GFRA1: variants seen among roughly 807,000 people sequenced by gnomAD.
GFRA1 encodes GDNF family receptor alpha-1.
GFRA1 carries 16 observed loss-of-function variants against 51.6 expected under a neutral mutation model. That is an observed-to-expected ratio of 0.31 (90% CI 0.21 to 0.47). GFRA1 has a LOEUF of 0.47. GFRA1 is among the 20% of genes least tolerant of loss of function. The pLI is 1.00. For synonymous variants in GFRA1, 270 were observed against 241.3 expected (o/e 1.12, Z -1.10); for missense variants, 530 against 594.3 (o/e 0.89, Z 1.13).
rs35493394 is a variant in GFRA1, at chr10:116,090,432, T to TAAAA, written c.1016-514_1016-511dup. 8.2e-3 allele frequency among the ~76,000 whole-genome samples: 990 copies of TAAAA among 121,068 alleles called. 16 individuals are homozygous for TAAAA. The highest frequency in any genetic ancestry group is 0.013 in the Middle Eastern group (3 of 226). 79.4% of individuals were successfully genotyped at this position (121,068 alleles called of 152,430 possible). A position where few individuals can be genotyped will look rare whatever the true frequency, so the allele number is the denominator to read the frequency against. ...GCAGGCAAAATGGAACCAGTTTCTT[T>TAAAA]AAAAAAAAAAAAAAAAAAAAAACTA... On this transcript the variant is annotated intron_variant, in intron 8 of 10. Coordinates refer to ENST00000355422, the MANE Select transcript of GFRA1 (RefSeq NM_005264.8).
chr10:116,256,097 G>C (rs181145752), intron 4 of GFRA1, among the ~76,000 whole-genome samples: 11 of 152,178 alleles, frequency 7.2e-5, no homozygotes, highest in South Asian at 2.1e-4. Context: ...GAAACATTCC[G>C]TAAGTGTTAC....
Position 116,095,979 on chromosome 10 carries a change from G to A in GFRA1, c.880+676C>T, listed in dbSNP as rs114024895. 5.0e-3 allele frequency among the ~76,000 whole-genome samples: 765 copies of A among 152,178 alleles called. 3 individuals carry two copies. Among genetic ancestry groups the A allele is most frequent in the African/African-American group, 0.018 (732 of 41,520 alleles). The stretch of plus-strand genomic sequence containing the variant: ...CCCCCTGACAGCCCCTGGTATCCAG[G>A]GGTCCAAGTTTGCTTCCCTTCTGAC... On this transcript the variant is annotated intron_variant, in intron 7 of 10. Transcript: ENST00000355422.
intron 5 of GFRA1, among the ~76,000 whole-genome samples, chr10:116,204,358 C>G (rs1236604341): frequency 6.6e-6 from 1 of 152,206 alleles, no homozygotes; most frequent in African/African-American, 2.4e-5. Flanking sequence ...ATGCACAGGT[C>G]AGTGTACATG....
At chr10:116,178,309 T>TG (rs1565630493) in intron 5 of GFRA1, among the ~76,000 whole-genome samples, 2 of 146,732 alleles carry the variant, frequency 1.4e-5, no homozygotes, top group Admixed American at 6.8e-5. Flanking sequence ...CGGGGGGGCG[T>TG]TTTACTCCCC....
chr10:116,196,102 G>C (rs2917947), intron 5 of GFRA1, among the ~76,000 whole-genome samples: 1 of 150,284 alleles, frequency 6.7e-6, no homozygotes, highest in South Asian at 2.1e-4. Flanking sequence ...CAAGGAACAA[G>C]TAAAAAAAAA....
chr10:116,101,888 C>A (rs1807141959), intron 6 of GFRA1, among the ~76,000 whole-genome samples: 1 of 152,168 alleles, frequency 6.6e-6, no homozygotes, highest in African/African-American at 2.4e-5. Context: ...CTAGCTTTCC[C>A]TTCCACCTCA....
intron 4 of GFRA1, among the ~76,000 whole-genome samples, chr10:116,227,757 C>A (rs1966399871): frequency 6.6e-6 from 1 of 152,290 alleles, no homozygotes; most frequent in Admixed American, 6.5e-5. Context: ...GGAAACAGAG[C>A]TTAATTCCAT....
intron 7 of GFRA1, 49 bp downstream of exon 7, chr10:116,096,606 G>T (rs981314346): frequency 2.0e-6 from 2 of 982,652 alleles, no homozygotes; most frequent in Admixed American, 1.8e-5. Flanking sequence ...AAGAACGCAG[G>T]TATATGCAAA....
intron 5 of GFRA1, among the ~76,000 whole-genome samples, chr10:116,185,417 T>A (rs890082647): frequency 6.6e-6 from 1 of 152,082 alleles, no homozygotes; most frequent in Admixed American, 6.6e-5. Flanking sequence ...CCGGCGCACC[T>A]CCTTTGAACC....
chr10:116,249,126 G>A (rs940629415), intron 4 of GFRA1, among the ~76,000 whole-genome samples: 2 of 152,178 alleles, frequency 1.3e-5, no homozygotes, highest in Non-Finnish European at 2.9e-5. Flanking sequence ...GGTGCTCAGA[G>A]CATCATCTGC....
chr10:116,192,834 T>TG (rs1412858145), intron 5 of GFRA1, among the ~76,000 whole-genome samples: 1 of 152,178 alleles, frequency 6.6e-6, no homozygotes, highest in African/African-American at 2.4e-5. Context: ...TGATTCCCTT[T>TG]CATTTTCAGC....
intron 5 of GFRA1, among the ~76,000 whole-genome samples, chr10:116,204,058 G>A (rs1964542735): frequency 6.6e-6 from 1 of 152,218 alleles, no homozygotes; most frequent in African/African-American, 2.4e-5. Flanking sequence ...GAGCAGTCAT[G>A]TCTGGCCTTG....
At chr10:116,191,883 C>T (rs1279970525) in intron 5 of GFRA1, among the ~76,000 whole-genome samples, 8 of 151,992 alleles carry the variant, frequency 5.3e-5, no homozygotes, top group Non-Finnish European at 1.2e-4. Flanking sequence ...AAAAATTAGC[C>T]GGGCGTGGTG....
intron 6 of GFRA1, among the ~76,000 whole-genome samples, chr10:116,114,801 AAAG>A (rs1957348005): frequency 2.0e-5 from 3 of 152,220 alleles, no homozygotes; most frequent in African/African-American, 4.8e-5. Flanking sequence ...AGTGAAAGAG[AAAG>A]AAGGACATAT....
intron 7 of GFRA1, among the ~76,000 whole-genome samples, chr10:116,096,352 T>G (rs936316644): frequency 6.6e-6 from 1 of 152,176 alleles, no homozygotes; most frequent in Non-Finnish European, 1.5e-5. Context: ...TTCTCTCTGC[T>G]TTTGTTCTGC....
chr10:116,083,982 T>G (rs1180011259), intron 9 of GFRA1, among the ~76,000 whole-genome samples: 1 of 152,050 alleles, frequency 6.6e-6, no homozygotes, highest in Non-Finnish European at 1.5e-5. Context: ...GATAAGGAAA[T>G]GTATTGAGGC....
chr10:116,128,953 A>C (rs1275170318), intron 5 of GFRA1, among the ~76,000 whole-genome samples: 1 of 152,142 alleles, frequency 6.6e-6, no homozygotes, highest in African/African-American at 2.4e-5. Flanking sequence ...AGTAGGTGTG[A>C]CTTAGCCTCA....
intron 6 of GFRA1, among the ~76,000 whole-genome samples, chr10:116,115,374 C>T (rs567789103): frequency 9.6e-4 from 146 of 152,036 alleles, no homozygotes; most frequent in African/African-American, 3.5e-3. Flanking sequence ...GCCAGAGGAC[C>T]CTCCTGGCAG....
chr10:116,094,382 G>C (rs931511897), intron 7 of GFRA1, among the ~76,000 whole-genome samples: 1 of 152,152 alleles, frequency 6.6e-6, no homozygotes, highest in Admixed American at 6.5e-5. Flanking sequence ...TCCACGTAGT[G>C]AAAGAACTGG....
Sources: allele counts gnomAD v4.1 joint callset (sites outside exome capture counted in the v4.1 genomes callset), GRCh38; gene constraint gnomAD v4.1.1; transcripts MANE v1.5; gene names NCBI Gene and HGNC (gene_info 2026-07-23, HGNC 2026-07-21).